The following ARHGEF4 variants were observed in gnomAD, a reference collection of about 807,000 sequenced individuals.
ARHGEF4 encodes the protein Rho guanine nucleotide exchange factor 4, also known as APC-stimulated guanine nucleotide exchange factor 1.
In ARHGEF4, 119 loss-of-function variants were observed where a neutral mutation model predicts 162.0. That is an observed-to-expected ratio of 0.73 (90% CI 0.63 to 0.86). The LOEUF (loss-of-function observed/expected upper bound fraction) is 0.86. Ranked by LOEUF, ARHGEF4 falls within the 40% of genes least tolerant of loss-of-function variation. ARHGEF4 has a pLI of 0.00. For synonymous variants in ARHGEF4, 1,014 were observed against 979.9 expected (o/e 1.03, Z -0.65); for missense variants, 2,488 against 2,456.0 (o/e 1.01, Z -0.28).
chr2:131,006,085 C>T (rs991190629), intron 4 of ARHGEF4, among the ~76,000 whole-genome samples: 8 of 152,084 alleles, frequency 5.3e-5, no homozygotes, highest in Admixed American at 5.2e-4. Flanking sequence ...AGACCTGTTC[C>T]CCGCCATTGG....
rs1256454149 is a variant in ARHGEF4 at position 130,915,316 on chromosome 2, C to A, written c.1370C>A (p.Pro457His). ...CTCAGTGCAGAGGAAGTGCCTGAGCCCGCTGAGTGCAAGTCAGAGCAAAGC... is the reference window on the plus strand; with the variant it reads ...CTCAGTGCAGAGGAAGTGCCTGAGCACGCTGAGTGCAAGTCAGAGCAAAGC... Reference protein sequence around the residue: ...VKLSAEEVPEPAECKSEQSPE... With the variant: ...VKLSAEEVPEHAECKSEQSPE... The change falls in exon 2 of 14, where the codon CCC (proline) becomes CAC (histidine). Residue 457 changes from proline to histidine, a missense_variant. Pro to His is a moderately conservative substitution (Grantham distance 77). Coordinates refer to ENST00000409359, the MANE Select transcript of ARHGEF4 (RefSeq NM_001367493.1). The A allele has an allele frequency of 1.3e-6, 2 of 1,550,680 alleles. No individual in the cohort carries two copies. Among genetic ancestry groups the A allele is most frequent in the Non-Finnish European group, 1.7e-6 (2 of 1,147,038 alleles).
At chr2:130,958,828 C>G (rs184941314) in intron 4 of ARHGEF4, among the ~76,000 whole-genome samples, 10 of 152,324 alleles carry the variant, frequency 6.6e-5, no homozygotes, top group African/African-American at 2.2e-4. Context: ...TGGAGTTCCT[C>G]TCACTGTCCT....
intron 1 of ARHGEF4, among the ~76,000 whole-genome samples, chr2:130,869,793 C>A (rs1252719724): frequency 6.6e-6 from 1 of 152,182 alleles, no homozygotes; most frequent in African/African-American, 2.4e-5. Flanking sequence ...TTACTGAGGC[C>A]ACCTGAAACC....
chr2:130,927,705 G>A (rs145671377), intron 2 of ARHGEF4, among the ~76,000 whole-genome samples: 3 of 152,156 alleles, frequency 2.0e-5, no homozygotes, highest in African/African-American at 4.8e-5. Flanking sequence ...GTATATATGC[G>A]GCAAAAGAAA....
chr2:130,856,879 C>T (rs1681828450), intron 1 of ARHGEF4, among the ~76,000 whole-genome samples: 1 of 152,156 alleles, frequency 6.6e-6, no homozygotes. Context: ...TGGAGCTTAG[C>T]AGGTGGCAAC....
intron 4 of ARHGEF4, among the ~76,000 whole-genome samples, chr2:130,961,451 G>T (rs1201064536): frequency 6.6e-6 from 1 of 152,124 alleles, no homozygotes; most frequent in Non-Finnish European, 1.5e-5. Context: ...AGGCAAGAAG[G>T]AACAGCAGCA....
At chr2:131,008,309 T>G (rs1001578544) in intron 4 of ARHGEF4, among the ~76,000 whole-genome samples, 15 of 152,200 alleles carry the variant, frequency 9.9e-5, no homozygotes, top group African/African-American at 3.4e-4. Context: ...GATAAAACCC[T>G]AAAAATAGAA....
intron 5 of ARHGEF4, among the ~76,000 whole-genome samples, chr2:131,037,833 G>A (rs1690419688): frequency 6.6e-6 from 1 of 151,072 alleles, no homozygotes; most frequent in African/African-American, 2.5e-5. Context: ...GGTCGGCTAG[G>A]TATAATGTGG....
rs550915647 is a variant in ARHGEF4 at position 130,926,728 on chromosome 2, A to G, written c.3553-4224A>G. Among the ~76,000 whole-genome samples the G allele has an allele frequency of 6.6e-5, 10 of 152,032 alleles. No individual in the cohort carries two copies. In the East Asian group the frequency reaches 1.9e-3, roughly 29 times the overall value. ...ATAGCTTGGTGTAAGAGTTAAAGAA[A>G]GAGGAAAGAAACACAAAAAGTGGCT... On this transcript the variant is annotated intron_variant, in intron 2 of 13. Coordinates refer to ENST00000409359, the MANE Select transcript of ARHGEF4 (RefSeq NM_001367493.1).
At chr2:131,037,697 G>A (rs536969993) in intron 5 of ARHGEF4, among the ~76,000 whole-genome samples, 39 of 152,368 alleles carry the variant, frequency 2.6e-4, no homozygotes, top group African/African-American at 8.7e-4. Flanking sequence ...GAGAAAGCAG[G>A]GGTCAGCCCC....
At chr2:130,903,796 G>T (rs1680652954) in intron 1 of ARHGEF4, among the ~76,000 whole-genome samples, 1 of 152,162 alleles carries the variant, frequency 6.6e-6, no homozygotes, top group Admixed American at 6.5e-5. Flanking sequence ...TTCTGTTTCT[G>T]CATTAATTCA....
chr2:131,014,186 G>T lies in ARHGEF4; in HGVS notation c.3986-13759G>T, dbSNP rs551335389. On this transcript the variant is annotated intron_variant, in intron 4 of 13. Coordinates refer to ENST00000409359, the MANE Select transcript of ARHGEF4 (RefSeq NM_001367493.1). ...AAAAGTCTGTGATCTAAAATGTTGA[G>T]TTACAGGCTGGTTCTGTTCAGTGAA... Among the ~76,000 whole-genome samples, 3 of 152,250 alleles carry T rather than the reference G, an allele frequency of 2.0e-5. No individual in the cohort carries two copies. The East Asian group carries it at 5.8e-4, about 29-fold the overall frequency.
At chr2:130,949,541 A>G (rs1307944191) in intron 4 of ARHGEF4, among the ~76,000 whole-genome samples, 1 of 151,842 alleles carries the variant, frequency 6.6e-6, no homozygotes, top group Admixed American at 6.6e-5. Context: ...TTTTTAGTAG[A>G]GACAGGGTTT....
At chr2:130,959,794 T>C (rs775834393) in intron 4 of ARHGEF4, among the ~76,000 whole-genome samples, 9 of 152,214 alleles carry the variant, frequency 5.9e-5, no homozygotes, top group Non-Finnish European at 1.2e-4. Flanking sequence ...CCCACATCAC[T>C]CTGGCCTTTG....
At chr2:131,023,374 A>G (rs968265350) in intron 4 of ARHGEF4, among the ~76,000 whole-genome samples, 2 of 152,162 alleles carry the variant, frequency 1.3e-5, no homozygotes, top group African/African-American at 4.8e-5. Context: ...TTGAGGCTGC[A>G]GTGAGCCATG....
intron 3 of ARHGEF4, among the ~76,000 whole-genome samples, chr2:130,940,316 A>G (rs1365067970): frequency 2.0e-5 from 3 of 152,088 alleles, no homozygotes; most frequent in African/African-American, 7.2e-5. Flanking sequence ...TTTCCTAAGA[A>G]TGGATAAAGT....
intron 4 of ARHGEF4, among the ~76,000 whole-genome samples, chr2:130,975,088 G>A (rs900426997): frequency 8.5e-5 from 13 of 152,150 alleles, no homozygotes; most frequent in Non-Finnish European, 1.2e-4. Flanking sequence ...GTACATGGAC[G>A]GATGGACGTG....
intron 2 of ARHGEF4, among the ~76,000 whole-genome samples, chr2:130,928,302 T>C (rs4247444): frequency 0.81 from 123,649 of 152,156 alleles, 51,795 homozygotes; most frequent in East Asian, 1. Context: ...CCTCCAGTCA[T>C]TTATTGAGAA....
intron 1 of ARHGEF4, among the ~76,000 whole-genome samples, chr2:130,897,388 G>A (rs1001053969): frequency 6.6e-6 from 1 of 152,170 alleles, no homozygotes; most frequent in South Asian, 2.1e-4. Flanking sequence ...CTGTGCTTCC[G>A]CGGAGCTGAG....
Sources: allele counts gnomAD v4.1 joint callset (sites outside exome capture counted in the v4.1 genomes callset), GRCh38; gene constraint gnomAD v4.1.1; transcripts MANE v1.5; gene names NCBI Gene and HGNC (gene_info 2026-07-23, HGNC 2026-07-21).